The following EDA variants were observed in gnomAD, a reference collection of about 807,000 sequenced individuals.
The protein encoded by EDA is ectodysplasin-A.
In EDA, 2 loss-of-function variants were observed where a neutral mutation model predicts 23.6. The observed-to-expected ratio is 0.08, with a 90% confidence interval of 0.03 to 0.27. The LOEUF (loss-of-function observed/expected upper bound fraction) is 0.27. Among genes scored for constraint, EDA ranks in the 10% least tolerant of loss-of-function variants. EDA has a pLI of 1.00. For missense variants in EDA, 229 were observed against 324.2 expected, an observed-to-expected ratio of 0.71 and a Z score of 2.26; for synonymous variants, 131 against 132.0, an observed-to-expected ratio of 0.99 and a Z score of 0.05.
chrX:69,649,364 T>C (rs1189067376), intron 1 of EDA, among the ~76,000 whole-genome samples: 1 of 111,879 alleles, frequency 8.9e-6, no homozygotes, highest in Non-Finnish European at 1.9e-5. Context: ...AATAGGAGAA[T>C]GGTAACTCTA....
chrX:69,782,182 A>G (rs911088646), intron 1 of EDA, among the ~76,000 whole-genome samples: 6 of 109,429 alleles, frequency 5.5e-5, no homozygotes, highest in African/African-American at 2.0e-4. Flanking sequence ...GAAAGCTGGT[A>G]TCAAGATCTT....
chrX:69,950,006 T>A (rs947354681), intron 1 of EDA, among the ~76,000 whole-genome samples: 3 of 97,981 alleles, frequency 3.1e-5, no homozygotes, highest in East Asian at 6.5e-4. Context: ...AACCTAGGCA[T>A]TACCATTCAG....
rs1391885587 is a variant in EDA, at chrX:69,669,503, CTATTT to C, written c.396+52802_396+52806del. On this transcript the variant is annotated intron_variant, in intron 1 of 7. Transcript: ENST00000374552. ...TAAAACATCTTATAGTTATAATAAA[CTATTT>C]TAAGCTAATTTCAACTTCTATCACA... 4.5e-5 allele frequency among the ~76,000 whole-genome samples: 5 copies of C among 111,454 alleles called. No individual in the cohort carries two copies. The East Asian group carries it at 1.4e-3, about 31-fold the overall frequency.
At chrX:69,731,820 T>C (rs994999828) in intron 1 of EDA, among the ~76,000 whole-genome samples, 1 of 111,955 alleles carries the variant, frequency 8.9e-6, no homozygotes, top group Non-Finnish European at 1.9e-5. Flanking sequence ...TGAGAGTCAA[T>C]ATCCTTGTTC....
Position 70,035,756 on chromosome X carries a change from C to T in EDA, c.*147C>T. ...CAGTGTTATTTATTCCCCAGTGACTCCAGGGTGACAAGGCCTGCTTGACTT... is the reference window on the plus strand; with the variant it reads ...CAGTGTTATTTATTCCCCAGTGACTTCAGGGTGACAAGGCCTGCTTGACTT... On this transcript the variant is annotated 3_prime_UTR_variant, in exon 8 of 8. Coordinates refer to ENST00000374552, the MANE Select transcript of EDA (RefSeq NM_001399.5). 4.0e-6 allele frequency: 3 copies of T among 748,155 alleles called. No homozygotes were observed. The highest frequency in any genetic ancestry group is 5.9e-6 in the Non-Finnish European group (3 of 512,415). The allele number at this position is 748,155 out of a possible 1,213,427, so 61.7% of individuals were successfully genotyped here.
chrX:69,676,815 T>C (rs1034083023), intron 1 of EDA, among the ~76,000 whole-genome samples: 9 of 111,371 alleles, frequency 8.1e-5, no homozygotes, highest in African/African-American at 2.9e-4. Flanking sequence ...TTTGGCTTTA[T>C]CCTTTGCTGT....
intron 1 of EDA, among the ~76,000 whole-genome samples, chrX:69,906,259 A>T (rs1293368479): frequency 8.9e-6 from 1 of 112,190 alleles, no homozygotes; most frequent in Non-Finnish European, 1.9e-5. Context: ...CTTACGATGT[A>T]CTGTACTTGC....
chrX:70,034,322 C>A (rs1712480025), intron 7 of EDA, among the ~76,000 whole-genome samples: 1 of 111,805 alleles, frequency 8.9e-6, no homozygotes, highest in African/African-American at 3.3e-5. Flanking sequence ...GGTGGGCTAA[C>A]AAGCATCTGC....
At chrX:69,972,946 C>T (rs2019268557) in intron 2 of EDA, among the ~76,000 whole-genome samples, 1 of 111,299 alleles carries the variant, frequency 9.0e-6, no homozygotes, top group Non-Finnish European at 1.9e-5. Context: ...ATCCAACTAA[C>T]AGTCACAGAT....
At chrX:69,948,925 C>T (rs1602557677) in intron 1 of EDA, among the ~76,000 whole-genome samples, 1 of 111,501 alleles carries the variant, frequency 9.0e-6, no homozygotes, top group Admixed American at 9.5e-5. Flanking sequence ...ACATATCTAT[C>T]ATGGATATGT....
In EDA at chrX:69,996,872, G is replaced by A. The variant is rs755732412; in HGVS notation, c.503-26346G>A. On this transcript the variant is annotated intron_variant, in intron 2 of 7. Transcript: ENST00000374552. ...AGTTTGATAAGGGCAAACATGTTTCGCTTGACTGTCATTCTTTCTCTTGTC... is the reference window on the plus strand; with the variant it reads ...AGTTTGATAAGGGCAAACATGTTTCACTTGACTGTCATTCTTTCTCTTGTC... Among the ~76,000 whole-genome samples the A allele has an allele frequency of 3.0e-4, 34 of 112,212 alleles. No homozygotes were observed. In the South Asian group the frequency reaches 0.011, roughly 36 times the overall value.
chrX:69,832,232 A>T (rs1281746968), intron 1 of EDA, among the ~76,000 whole-genome samples: 1 of 111,731 alleles, frequency 9.0e-6, no homozygotes, highest in African/African-American at 3.3e-5. Context: ...TAAGGAAGGG[A>T]TCCAGTTTCA....
chrX:69,662,414 T>C (rs192540245), intron 1 of EDA, among the ~76,000 whole-genome samples: 4 of 112,065 alleles, frequency 3.6e-5, no homozygotes, highest in African/African-American at 1.3e-4. Context: ...ACATGCCTTC[T>C]CTTGCCTGCT....
At chrX:69,734,571 A>G (rs1413794391) in intron 1 of EDA, among the ~76,000 whole-genome samples, 1 of 110,890 alleles carries the variant, frequency 9.0e-6, no homozygotes. Flanking sequence ...TGATGCTGTC[A>G]TTTTTTTCTG....
At chrX:69,907,429 G>A (rs915321706) in intron 1 of EDA, among the ~76,000 whole-genome samples, 4 of 111,216 alleles carry the variant, frequency 3.6e-5, no homozygotes, top group African/African-American at 9.8e-5. Context: ...CACCCAAAGG[G>A]CCATTCTCCT....
chrX:69,890,623 G>A (rs1485080621), intron 1 of EDA, among the ~76,000 whole-genome samples: 4 of 111,207 alleles, frequency 3.6e-5, no homozygotes, highest in African/African-American at 1.3e-4. Context: ...TGATCTTTGA[G>A]AGACCTGACA....
chrX:69,799,903 A>AAG (rs398122081), intron 1 of EDA, among the ~76,000 whole-genome samples: 1 of 63,207 alleles, frequency 1.6e-5, no homozygotes, highest in Non-Finnish European at 5.0e-5. Context: ...CCAATATGTC[A>AAG]GAGATACATG....
intron 7 of EDA, 86 bp downstream of exon 7, chrX:70,033,614 A>G: frequency 9.1e-7 from 1 of 1,100,907 alleles, no homozygotes; most frequent in Non-Finnish European, 1.2e-6. Context: ...GAGCCAGCCA[A>G]GACCATCCAA....
chrX:69,775,242 G>A (rs2014745843), intron 1 of EDA, among the ~76,000 whole-genome samples: 1 of 111,276 alleles, frequency 9.0e-6, no homozygotes, highest in African/African-American at 3.3e-5. Flanking sequence ...TCTTGTATGA[G>A]TTTGATAATA....
Sources: gnomAD v4.1 joint callset for allele counts (sites outside exome capture counted in the v4.1 genomes callset) on GRCh38, gnomAD v4.1.1 for gene constraint, MANE v1.5 for transcripts, NCBI Gene and HGNC (gene_info 2026-07-23, HGNC 2026-07-21) for gene names.